ATP11A: variants seen among roughly 807,000 people sequenced by gnomAD.
ATP11A encodes ATPase phospholipid transporting 11A.
A neutral mutation model predicts 154.4 loss-of-function variants in ATP11A; 81 were observed. That is an observed-to-expected ratio of 0.52 (90% CI 0.44 to 0.63). ATP11A has a LOEUF of 0.63. Ranked by LOEUF, ATP11A falls within the 30% of genes least tolerant of loss-of-function variation. The probability of loss-of-function intolerance (pLI) is 0.00; values close to 1 mark genes in which losing one functional copy is unlikely to be tolerated. For synonymous variants in ATP11A, 623 were observed against 585.9 expected (o/e 1.06, Z -0.91); for missense variants, 1,316 against 1,474.3 (o/e 0.89, Z 1.76).
In ATP11A at chr13:112,810,650, A is replaced by G; in HGVS notation, c.365A>G (p.Asp122Gly). ...GYEDWLRHKA[D>G]NAMNQCPVHF... The stretch of plus-strand genomic sequence containing the variant: ...GAAGACTGGCTTCGACATAAAGCAG[A>G]CAATGCCATGAACCAGTGTCCTGTT... The change falls in exon 5 of 30, where the codon GAC (aspartate) becomes GGC (glycine). Residue 122 changes from aspartate to glycine, a missense_variant. This residue lies in a region of ATP11A where 876 missense variants were observed against 1,006.8 expected (regional missense o/e 0.87). Transcript: ENST00000375645. 6.2e-7 allele frequency: 1 copy of G among 1,614,126 alleles called. No individual in the cohort carries two copies. The highest frequency in any genetic ancestry group is 8.5e-7 in the Non-Finnish European group (1 of 1,180,022).
chr13:112,838,180 C>T lies in ATP11A; in HGVS notation c.1705+1929C>T, dbSNP rs2079292837. Among the ~76,000 whole-genome samples, 2 of 152,204 alleles carry T rather than the reference C, an allele frequency of 1.3e-5. No individual in the cohort carries two copies. Among genetic ancestry groups the T allele is most frequent in the African/African-American group, 4.8e-5 (2 of 41,460 alleles). The stretch of plus-strand genomic sequence containing the variant: ...TGAGAACAGGTTCAGATGCGCGAGA[C>T]TTCTGTGTGTCAGAACCCTTCCCCC... On this transcript the variant is annotated intron_variant, in intron 16 of 29. Transcript: ENST00000375645. This position sits in a 1 kb window ranked among gnomAD's most constrained non-coding sequence, Gnocchi z 7.3.
intron 7 of ATP11A, 47 bp downstream of exon 7, chr13:112,819,454 A>G: frequency 6.5e-7 from 1 of 1,549,708 alleles, no homozygotes; most frequent in Non-Finnish European, 8.9e-7. Flanking sequence ...TTATGCCCTC[A>G]ACATTGCTCT....
rs2080787245 is a variant in ATP11A, at chr13:112,878,205, C to T, written c.3328-12C>T. On this transcript the variant is annotated splice_polypyrimidine_tract_variant and intron_variant, in intron 28 of 29. Transcript: ENST00000375645. The stretch of plus-strand genomic sequence containing the variant: ...CACCCCTGTGTGCGTGGCCGCTGAC[C>T]TCGGGACTAAGACTAAGAGCCAGTG... 6.2e-7 allele frequency: 1 copy of T among 1,613,878 alleles called. No homozygotes were observed. Among genetic ancestry groups the T allele is most frequent in the African/African-American group, 1.3e-5 (1 of 74,946 alleles).
intron 1 of ATP11A, among the ~76,000 whole-genome samples, chr13:112,758,847 C>T (rs1004620579): frequency 6.6e-6 from 1 of 152,218 alleles, no homozygotes; most frequent in South Asian, 2.1e-4. Flanking sequence ...CGGTTCATTA[C>T]CGTGGGGTGT....
chr13:112,791,680 C>T (rs922264915), intron 2 of ATP11A, among the ~76,000 whole-genome samples: 14 of 152,186 alleles, frequency 9.2e-5, no homozygotes, highest in Non-Finnish European at 2.1e-4. Flanking sequence ...GCAGTGGCCT[C>T]GGTGGCTTCG....
At chr13:112,837,882 G>A (rs951802245) in intron 16 of ATP11A, among the ~76,000 whole-genome samples, 2 of 150,446 alleles carry the variant, frequency 1.3e-5, no homozygotes, top group African/African-American at 4.9e-5. Context: ...GAGTCATAGC[G>A]GCTCTGGGGT....
At chr13:112,823,477 C>T in intron 9 of ATP11A, 68 bp downstream of exon 9, 1 of 1,335,492 alleles carries the variant, frequency 7.5e-7, no homozygotes, top group Non-Finnish European at 1.1e-6. Context: ...AAGTTAAAAC[C>T]CGCAGCGGAA....
intron 17 of ATP11A, among the ~76,000 whole-genome samples, chr13:112,847,660 T>C (rs2079647106): frequency 6.6e-6 from 1 of 152,248 alleles, no homozygotes; most frequent in Non-Finnish European, 1.5e-5. Context: ...TTACTGTCAG[T>C]TTCTAGCAGG....
intron 1 of ATP11A, among the ~76,000 whole-genome samples, chr13:112,759,358 C>A (rs2076914431): frequency 6.6e-6 from 1 of 152,220 alleles, no homozygotes; most frequent in Non-Finnish European, 1.5e-5. Flanking sequence ...ACCCGCAACA[C>A]ACTTGGCAGA....
rs569244191 is a variant in ATP11A, at chr13:112,834,791, G to T, written c.1631+131G>T. ...CAATTCGCTTCCTCTCCTTCCCAGT[G>T]ACACCCCAGGAATGTCACCAGAATG... is the stretch of plus-strand genomic sequence containing the variant. On this transcript the variant is annotated intron_variant, in intron 15 of 29. Coordinates refer to ENST00000375645, the MANE Select transcript of ATP11A (RefSeq NM_015205.3). The T allele has an allele frequency of 1.1e-3, 746 of 682,220 alleles. 7 individuals carry two copies. The South Asian group carries it at 0.011, about 10-fold the overall frequency. The allele number at this position is 682,220 out of a possible 1,614,324, so 42.3% of individuals were successfully genotyped here.
At chr13:112,782,867 AGT>A (rs2077533233) in intron 1 of ATP11A, among the ~76,000 whole-genome samples, 1 of 152,152 alleles carries the variant, frequency 6.6e-6, no homozygotes, top group South Asian at 2.1e-4. Flanking sequence ...TTGAGGGTGG[AGT>A]GTTCCTCCCT....
Position 112,816,068 on chromosome 13 carries a change from T to C in ATP11A, c.442-15T>C, listed in dbSNP as rs1566523001. ...GGGGCTTTCCATTGACCATCCTTTC[T>C]GCTTTGTCCTGTAGGTTGGGGACAT... On this transcript the variant is annotated splice_polypyrimidine_tract_variant and intron_variant, in intron 5 of 29. Coordinates refer to ENST00000375645, the MANE Select transcript of ATP11A (RefSeq NM_015205.3). 3 of 1,613,972 alleles carry C rather than the reference T, an allele frequency of 1.9e-6. No homozygotes were observed. The highest frequency in any genetic ancestry group is 8.5e-7 in the Non-Finnish European group (1 of 1,179,908).
At chr13:112,784,193 AG>A (rs1263964701) in intron 1 of ATP11A, among the ~76,000 whole-genome samples, 14 of 152,250 alleles carry the variant, frequency 9.2e-5, no homozygotes, top group African/African-American at 3.4e-4. Context: ...ATGCAGATTA[AG>A]GGGTGGTTTA....
chr13:112,861,717 C>T (rs529424673), intron 24 of ATP11A, among the ~76,000 whole-genome samples: 3 of 152,126 alleles, frequency 2.0e-5, no homozygotes, highest in Admixed American at 1.3e-4. Flanking sequence ...TGATTAAGGA[C>T]GATGATAAAA....
chr13:112,820,762 A>T (rs866961882), intron 8 of ATP11A, among the ~76,000 whole-genome samples: 31 of 152,332 alleles, frequency 2.0e-4, no homozygotes, highest in Middle Eastern at 6.8e-3. Context: ...CATAAACTCC[A>T]CTTGTTAGGG....
chr13:112,784,978 GGT>G (rs1037839869), intron 1 of ATP11A, among the ~76,000 whole-genome samples, 155 bp from the exon 2 acceptor site: 4 of 152,198 alleles, frequency 2.6e-5, no homozygotes, highest in Admixed American at 2.6e-4. Context: ...TCGGGCCTGG[GGT>G]GCTGGGCCCC....
chr13:112,820,152 C>T (rs563586102), intron 8 of ATP11A, among the ~76,000 whole-genome samples: 7 of 152,334 alleles, frequency 4.6e-5, no homozygotes, highest in African/African-American at 1.7e-4. Context: ...GTTAGTGATG[C>T]TCGTGAAACA....
rs1195330801 is a variant in ATP11A, at chr13:112,712,105, G to A, written c.39+21650G>A. Among the ~76,000 whole-genome samples the A allele has an allele frequency of 4.6e-5, 7 of 152,202 alleles. 1 individual carries two copies. The highest frequency in any genetic ancestry group is 1.2e-4 in the African/African-American group (5 of 41,450). On this transcript the variant is annotated intron_variant, in intron 1 of 29. Coordinates refer to ENST00000375645, the MANE Select transcript of ATP11A (RefSeq NM_015205.3). ...GCAGAAGCTGCCAGGTGCCTCCTTC[G>A]CATGTTGGCTCCCACGTGTTTTCCC...
intron 1 of ATP11A, among the ~76,000 whole-genome samples, chr13:112,724,517 C>G (rs992718578): frequency 1.3e-5 from 2 of 151,836 alleles, no homozygotes; most frequent in Non-Finnish European, 2.9e-5. Context: ...CGTGTATGTG[C>G]GGCAGCCAGG....
Sources: allele counts gnomAD v4.1 joint callset (sites outside exome capture counted in the v4.1 genomes callset), GRCh38; gene constraint gnomAD v4.1.1; regional missense constraint gnomAD v4.1.1; non-coding constraint Gnocchi (gnomAD v3.1); transcripts MANE v1.5; gene names NCBI Gene and HGNC (gene_info 2026-07-23, HGNC 2026-07-21).